Variants in COL25A1 observed in about 807,000 individuals in gnomAD.
COL25A1 encodes collagen type XXV alpha 1 chain, also known as collagen alpha-1(XXV) chain.
A neutral mutation model predicts 128.4 loss-of-function variants in COL25A1; 103 were observed. The observed-to-expected ratio is 0.80, with a 90% CI of 0.68 to 0.94. The LOEUF is 0.94. Ranked by LOEUF, COL25A1 falls within the 40% of genes least tolerant of loss-of-function variation. COL25A1 has a pLI of 0.00. For synonymous variants in COL25A1, 279 were observed against 277.2 expected (o/e 1.01, Z -0.06); for missense variants, 745 against 840.0 (o/e 0.89, Z 1.40).
chr4:109,127,660 G>C (rs1768752414), intron 3 of COL25A1, among the ~76,000 whole-genome samples: 1 of 151,868 alleles, frequency 6.6e-6, no homozygotes, highest in African/African-American at 2.4e-5. Context: ...TAGATTCCAC[G>C]TTAGTAAAGG....
intron 27 of COL25A1, 116 bp from the exon 28 acceptor site, chr4:108,846,335 G>A: frequency 1.4e-6 from 1 of 709,450 alleles, no homozygotes; most frequent in East Asian, 2.5e-5. Flanking sequence ...ATGTTGAGAT[G>A]ATTCTGATTT....
intron 11 of COL25A1, among the ~76,000 whole-genome samples, chr4:108,933,243 A>T (rs560174423): frequency 2.6e-5 from 4 of 152,298 alleles, no homozygotes; most frequent in African/African-American, 9.6e-5. Flanking sequence ...CATCAGAGAC[A>T]TTTTAAATTT....
At chr4:108,926,632 A>C (rs1333951806) in intron 11 of COL25A1, among the ~76,000 whole-genome samples, 3 of 152,162 alleles carry the variant, frequency 2.0e-5, no homozygotes, top group Non-Finnish European at 4.4e-5. Context: ...ATTTTTTGAA[A>C]GATATTAACC....
intron 6 of COL25A1, among the ~76,000 whole-genome samples, chr4:109,004,882 T>A (rs1830110): frequency 2.6e-5 from 4 of 152,074 alleles, no homozygotes; most frequent in Admixed American, 6.6e-5. Context: ...CAAGAACAGC[T>A]TAACAAAGAG....
chr4:108,958,353 T>G (rs956205074), intron 8 of COL25A1, among the ~76,000 whole-genome samples: 16 of 152,092 alleles, frequency 1.1e-4, no homozygotes, highest in African/African-American at 3.6e-4. Flanking sequence ...ATATAATAAC[T>G]TAAAACATGG....
chr4:109,181,506 G>T (rs945545108), intron 3 of COL25A1, among the ~76,000 whole-genome samples: 10 of 152,004 alleles, frequency 6.6e-5, no homozygotes, highest in Admixed American at 3.9e-4. Flanking sequence ...ATATTGCTGT[G>T]TATCTTTTGA....
At chr4:108,830,065 G>A (rs138201831) in intron 32 of COL25A1, among the ~76,000 whole-genome samples, 1 of 152,286 alleles carries the variant, frequency 6.6e-6, no homozygotes, top group East Asian at 1.9e-4. Context: ...TCTTTATTGT[G>A]TAAGCCATTT....
chr4:108,981,432 T>G (rs1249593866), intron 6 of COL25A1, among the ~76,000 whole-genome samples: 1 of 152,192 alleles, frequency 6.6e-6, no homozygotes, highest in African/African-American at 2.4e-5. Context: ...TTAAAATAAC[T>G]TTTTCTGAAA....
chr4:109,206,550 C>A (rs994915006), intron 3 of COL25A1, among the ~76,000 whole-genome samples: 3 of 152,108 alleles, frequency 2.0e-5, no homozygotes, highest in African/African-American at 7.2e-5. Context: ...ACTGAAGGAC[C>A]ACCTTTCTAA....
chr4:109,082,070 T>C (rs542896914), intron 3 of COL25A1, among the ~76,000 whole-genome samples: 14 of 152,348 alleles, frequency 9.2e-5, no homozygotes, highest in South Asian at 6.2e-4. Flanking sequence ...TAGAATCATA[T>C]ACTATGTGGT....
chr4:108,889,802 A>C (rs1483639274), intron 16 of COL25A1, 69 bp from the exon 17 acceptor site: 1 of 1,387,598 alleles, frequency 7.2e-7, no homozygotes, highest in Admixed American at 1.7e-5. Context: ...GCACTCAGAG[A>C]GCCATCACCA....
intron 3 of COL25A1, among the ~76,000 whole-genome samples, chr4:109,210,606 A>G (rs1232532614): frequency 6.6e-6 from 1 of 152,166 alleles, no homozygotes; most frequent in Non-Finnish European, 1.5e-5. Context: ...TGGCTGAAAA[A>G]TCATACAATC....
At chr4:109,185,292 C>A (rs980935784) in intron 3 of COL25A1, among the ~76,000 whole-genome samples, 1 of 152,178 alleles carries the variant, frequency 6.6e-6, no homozygotes, top group African/African-American at 2.4e-5. Context: ...TAATAATCAT[C>A]ATTTTCATAC....
At chr4:109,212,823 G>C (rs1275272473) in intron 3 of COL25A1, among the ~76,000 whole-genome samples, 1 of 152,068 alleles carries the variant, frequency 6.6e-6, no homozygotes, top group African/African-American at 2.4e-5. Flanking sequence ...TACATGTATG[G>C]TACATGCTCA....
rs117617369 is a variant in COL25A1, at chr4:108,924,844, T to C, written c.709-4240A>G. On this transcript the variant is annotated intron_variant, in intron 11 of 37. Coordinates refer to ENST00000399132, the MANE Select transcript of COL25A1 (RefSeq NM_198721.4). The stretch of plus-strand genomic sequence containing the variant: ...TTCCACATTTCTACACCTCTGTCTG[T>C]TCCTATAAGGGGCTTTCTAATCCCC... Among the ~76,000 whole-genome samples the C allele has an allele frequency of 2.2e-4, 33 of 152,288 alleles. No individual in the cohort carries two copies. In the East Asian group the frequency reaches 6.0e-3, roughly 28 times the overall value.
chr4:108,820,508 CT>C (rs569274404), intron 35 of COL25A1, among the ~76,000 whole-genome samples: 8 of 152,112 alleles, frequency 5.3e-5, no homozygotes, highest in African/African-American at 1.9e-4. Flanking sequence ...TACAGCAAAA[CT>C]TTTTTTAAAA....
At chr4:109,297,723 G>T (rs1384510106) in intron 3 of COL25A1, among the ~76,000 whole-genome samples, 1 of 151,902 alleles carries the variant, frequency 6.6e-6, no homozygotes, top group Non-Finnish European at 1.5e-5. Context: ...TGTCTCTGTA[G>T]ATCACAGCAG....
intron 4 of COL25A1, 128 bp downstream of exon 4, chr4:109,050,007 T>C: frequency 1.6e-6 from 1 of 622,036 alleles, no homozygotes; most frequent in Non-Finnish European, 2.8e-6. Flanking sequence ...CAACTAGGTC[T>C]AGCAGAGAAA....
In COL25A1 at chr4:109,151,509, C is replaced by A. The variant is rs533469363; in HGVS notation, c.368-101330G>T. The stretch of plus-strand genomic sequence containing the variant: ...TGTAAGGCATATATAATGCCAGTAA[C>A]CTTATTTTTAAAAAAAATTCTTGAT... On this transcript the variant is annotated intron_variant, in intron 3 of 37. Transcript: ENST00000399132. Among the ~76,000 whole-genome samples, 10 of 152,106 alleles carry A rather than the reference C, an allele frequency of 6.6e-5. No individual in the cohort carries two copies. The South Asian group carries it at 1.9e-3, about 28-fold the overall frequency.
Sources: allele counts gnomAD v4.1 joint callset (sites outside exome capture counted in the v4.1 genomes callset), GRCh38; gene constraint gnomAD v4.1.1; transcripts MANE v1.5; gene names NCBI Gene and HGNC (gene_info 2026-07-23, HGNC 2026-07-21).